Variants in RANBP9 observed in about 807,000 individuals in gnomAD.
The protein encoded by RANBP9 is ran-binding protein 9.
A neutral mutation model predicts 84.3 loss-of-function variants in RANBP9; 15 were observed. The observed-to-expected ratio is 0.18, with a 90% CI of 0.12 to 0.27. The LOEUF is 0.27. Among genes scored for constraint, RANBP9 ranks in the 10% least tolerant of loss-of-function variants. The pLI is 1.00. For missense variants in RANBP9, 809 were observed against 912.8 expected, an observed-to-expected ratio of 0.89 and a Z score of 1.46; for synonymous variants, 392 against 349.6, an observed-to-expected ratio of 1.12 and a Z score of -1.35.
At position 13,676,034 on chromosome 6, in the gene RANBP9, T is replaced by A. The variant is rs373773888; in HGVS notation, c.684-17202A>T. Among the ~76,000 whole-genome samples the A allele has an allele frequency of 1.1e-4, 16 of 152,068 alleles. No individual in the cohort carries two copies. The East Asian group carries it at 1.5e-3, about 15-fold the overall frequency. ...AAATGAGAAAGAAGAGGAAGAACTC[T>A]GGTAACTAGATCGAATTGTAGTGTC... On this transcript the variant is annotated intron_variant, in intron 2 of 13. Transcript: ENST00000011619.
intron 7 of RANBP9, 84 bp downstream of exon 7, chr6:13,642,395 T>C: frequency 7.2e-6 from 5 of 697,886 alleles, no homozygotes; most frequent in Non-Finnish European, 1.0e-5. Context: ...TTTTTTTAAT[T>C]AAAAAAACAA....
In RANBP9 at chr6:13,621,815, CAT is replaced by C. The variant is rs1450277680; in HGVS notation, c.*545_*546del. On this transcript the variant is annotated 3_prime_UTR_variant, in exon 14 of 14. Coordinates refer to ENST00000011619, the MANE Select transcript of RANBP9 (RefSeq NM_005493.3). ...GGTCGGGATTGTAAGTAGCAACAAA[CAT>C]ATTCACTCAGCTCCTGAGTATTTCA... 2 of 152,630 alleles carry C rather than the reference CAT, an allele frequency of 1.3e-5. No individual in the cohort carries two copies. Among genetic ancestry groups the C allele is most frequent in the Admixed American group, 6.5e-5 (1 of 15,284 alleles). 9.5% of individuals were successfully genotyped at this position (152,630 alleles called of 1,614,324 possible).
intron 4 of RANBP9, among the ~76,000 whole-genome samples, chr6:13,655,154 T>C (rs1765371051): frequency 6.6e-6 from 1 of 152,246 alleles, no homozygotes; most frequent in South Asian, 2.1e-4. Flanking sequence ...GAATGAATAA[T>C]GCCAAACATT....
intron 2 of RANBP9, among the ~76,000 whole-genome samples, chr6:13,679,168 G>A (rs1383978312): frequency 6.6e-6 from 1 of 152,126 alleles, no homozygotes; most frequent in South Asian, 2.1e-4. Flanking sequence ...AAAGAATCAT[G>A]AAAAACAGAA....
At chr6:13,632,797 TAGAAAA>T in intron 11 of RANBP9, 1 of 229,432 alleles carries the variant, frequency 4.4e-6, no homozygotes, top group East Asian at 8.0e-5. Flanking sequence ...AAAAAAATTT[TAGAAAA>T]AGTATAATTC....
chr6:13,705,583 C>A (rs1322275158), intron 1 of RANBP9, among the ~76,000 whole-genome samples: 1 of 151,416 alleles, frequency 6.6e-6, no homozygotes, highest in Non-Finnish European at 1.5e-5. Flanking sequence ...ATTTTTAGGC[C>A]GGGCGCGGTG....
At chr6:13,643,602 C>G (rs1765115470) in intron 6 of RANBP9, among the ~76,000 whole-genome samples, 1 of 152,130 alleles carries the variant, frequency 6.6e-6, no homozygotes, top group Non-Finnish European at 1.5e-5. Context: ...AACATCAAGT[C>G]AGTGAAGAAG....
intron 1 of RANBP9, among the ~76,000 whole-genome samples, chr6:13,708,321 G>C (rs757075381): frequency 4.6e-5 from 7 of 152,092 alleles, no homozygotes; most frequent in Non-Finnish European, 7.3e-5. Context: ...AGCTACTTGG[G>C]AGATGGAGGC....
chr6:13,651,370 G>A (rs1765291091), intron 5 of RANBP9, among the ~76,000 whole-genome samples: 2 of 146,770 alleles, frequency 1.4e-5, no homozygotes, highest in African/African-American at 2.6e-5. Context: ...CTCCCATATA[G>A]TTTTTTGTTG....
chr6:13,670,180 C>T (rs1275370137), intron 2 of RANBP9, among the ~76,000 whole-genome samples: 1 of 152,088 alleles, frequency 6.6e-6, no homozygotes, highest in African/African-American at 2.4e-5. Context: ...GTAGTCCCAG[C>T]TTCTCGGGAG....
intron 9 of RANBP9, among the ~76,000 whole-genome samples, chr6:13,638,389 A>C (rs994877492): frequency 3.9e-5 from 6 of 152,192 alleles, no homozygotes; most frequent in African/African-American, 1.2e-4. Context: ...AAAGAGAATA[A>C]ATTGAAATAA....
intron 12 of RANBP9, among the ~76,000 whole-genome samples, chr6:13,629,680 C>G (rs906860156): frequency 6.6e-6 from 1 of 152,130 alleles, no homozygotes; most frequent in African/African-American, 2.4e-5. Context: ...CAATGCCTCT[C>G]CACACTGCAA....
chr6:13,672,925 G>A (rs1279317017), intron 2 of RANBP9, among the ~76,000 whole-genome samples: 2 of 150,178 alleles, frequency 1.3e-5, no homozygotes, highest in Non-Finnish European at 3.0e-5. Flanking sequence ...AACTATAAAA[G>A]GTGAAAAATA....
intron 5 of RANBP9, among the ~76,000 whole-genome samples, chr6:13,649,461 G>GAAA (rs375894187): frequency 1.1e-5 from 1 of 92,680 alleles, no homozygotes; most frequent in African/African-American, 3.9e-5. Flanking sequence ...TGCCACAACA[G>GAAA]AAAAAAAAAA....
intron 1 of RANBP9, among the ~76,000 whole-genome samples, chr6:13,703,255 A>G (rs941414760): frequency 2.0e-5 from 3 of 152,028 alleles, no homozygotes; most frequent in East Asian, 1.9e-4. Context: ...TAGTCTTTCA[A>G]TGTTGGTGTT....
At chr6:13,661,995 A>G (rs1765546560) in intron 2 of RANBP9, among the ~76,000 whole-genome samples, 1 of 152,190 alleles carries the variant, frequency 6.6e-6, no homozygotes, top group Admixed American at 6.6e-5. Flanking sequence ...GAATGAGGGA[A>G]AAAATAAGAT....
chr6:13,626,686 T>G (rs115228683), intron 12 of RANBP9, among the ~76,000 whole-genome samples: 1,722 of 152,002 alleles, frequency 0.011, 23 homozygotes, highest in African/African-American at 0.038. Flanking sequence ...ACATGGAGAG[T>G]TGCTGCAGAA....
At position 13,711,690 on chromosome 6, in the gene RANBP9, G is replaced by A. The variant is rs1758294267; in HGVS notation, c.-185C>T. ...GGAGCTCGGAGACGCGGGAGTAGGC[G>A]GCGGGCCCGGGAGGCCGGGAGAGAA... On this transcript the variant is annotated 5_prime_UTR_variant, in exon 1 of 14. Transcript: ENST00000011619. 8.0e-6 allele frequency: 3 copies of A among 373,882 alleles called. No individual in the cohort carries two copies. Among genetic ancestry groups the A allele is most frequent in the Non-Finnish European group, 8.6e-6 (2 of 232,114 alleles). 23.2% of individuals were successfully genotyped at this position (373,882 alleles called of 1,614,324 possible). A position where few individuals can be genotyped will look rare whatever the true frequency, so the allele number is the denominator to read the frequency against.
At position 13,641,229 on chromosome 6, in the gene RANBP9, T is replaced by G. The variant is rs759817030; in HGVS notation, c.1304A>C (p.Glu435Ala). ...TGTGAAAAGGAGATTAGGATTTCTT[T>G]CAAGTAAACTTGGGTATAACTGTTG... ...TTQQLYPSLL[E>A]RNPNLLFTLK... Residue 435 changes from glutamate (E) to alanine (A), a missense_variant, in exon 8 of 14, where the codon GAA (glutamate) becomes GCA (alanine). By Grantham distance (107) the Glu-to-Ala change is moderately radical (BLOSUM62 -1). Around this residue, in one of 5 missense-constraint regions of RANBP9, gnomAD observed 216 missense variants for 329.0 expected, o/e 0.66. Coordinates refer to ENST00000011619, the MANE Select transcript of RANBP9 (RefSeq NM_005493.3). The G allele has an allele frequency of 6.3e-7, 1 of 1,592,870 alleles. No homozygotes were observed. Among genetic ancestry groups the G allele is most frequent in the South Asian group, 1.2e-5 (1 of 86,890 alleles).
Sources: gnomAD v4.1 joint callset for allele counts (sites outside exome capture counted in the v4.1 genomes callset) on GRCh38, gnomAD v4.1.1 for gene constraint, gnomAD v4.1.1 regional missense constraint, MANE v1.5 for transcripts, NCBI Gene and HGNC (gene_info 2026-07-23, HGNC 2026-07-21) for gene names.